Variants in FAF1 observed in about 807,000 individuals in gnomAD.
The protein encoded by FAF1 is FAS-associated factor 1.
Under a neutral mutation model 92.5 loss-of-function variants are expected in FAF1, and 25 were observed. The observed-to-expected ratio is 0.27, with a 90% CI of 0.20 to 0.38. FAF1 has a LOEUF of 0.38. Ranked by LOEUF, FAF1 falls within the 10% of genes least tolerant of loss-of-function variation. The pLI is 1.00. For missense variants in FAF1, 636 were observed against 793.3 expected (o/e 0.80, Z 2.38); for synonymous variants, 234 against 273.2 (o/e 0.86, Z 1.42).
intron 18 of FAF1, among the ~76,000 whole-genome samples, chr1:50,474,011 C>T (rs1227144369): frequency 6.6e-6 from 1 of 152,074 alleles, no homozygotes; most frequent in Non-Finnish European, 1.5e-5. Flanking sequence ...GAGATGAATC[C>T]CTCTCCATAT....
chr1:50,954,684 A>AC (rs1645250302), intron 1 of FAF1, among the ~76,000 whole-genome samples: 1 of 151,642 alleles, frequency 6.6e-6, no homozygotes, highest in South Asian at 2.1e-4. Context: ...GATTACAGAC[A>AC]CCAGCCACCA....
At position 50,584,825 on chromosome 1, in the gene FAF1, G is replaced by A; in HGVS notation, c.841-14C>T. ...ATCGGTGATTTGCTATTTAAGGAAAGTCCTGATTAGTTTCATATTGATTTT... is the reference window on the plus strand; with the variant it reads ...ATCGGTGATTTGCTATTTAAGGAAAATCCTGATTAGTTTCATATTGATTTT... On this transcript the variant is annotated splice_polypyrimidine_tract_variant and intron_variant, in intron 9 of 18. Transcript: ENST00000396153. 1 of 1,610,624 alleles carries A rather than the reference G, an allele frequency of 6.2e-7. No individual in the cohort carries two copies.
chr1:50,734,664 G>A (rs1386361471), intron 6 of FAF1, among the ~76,000 whole-genome samples: 2 of 151,710 alleles, frequency 1.3e-5, no homozygotes, highest in African/African-American at 4.8e-5. Context: ...AACCCAGGGG[G>A]CGGAGCTTGC....
intron 15 of FAF1, among the ~76,000 whole-genome samples, chr1:50,505,163 G>C (rs1166040399): frequency 6.6e-6 from 1 of 152,102 alleles, no homozygotes; most frequent in East Asian, 1.9e-4. Context: ...ATCCACACTG[G>C]GGGAGAAGAA....
At chr1:50,693,966 T>C (rs1003629446) in intron 7 of FAF1, among the ~76,000 whole-genome samples, 1 of 149,546 alleles carries the variant, frequency 6.7e-6, no homozygotes, top group African/African-American at 2.5e-5. Flanking sequence ...TATTTCAAAT[T>C]TCAAGCAAAG....
chr1:50,748,558 G>T (rs1464024380), intron 4 of FAF1, among the ~76,000 whole-genome samples: 1 of 151,646 alleles, frequency 6.6e-6, no homozygotes, highest in Non-Finnish European at 1.5e-5. Context: ...AAATAGACAT[G>T]ATGCTAATGA....
At chr1:50,564,075 T>TA (rs1650057519) in intron 13 of FAF1, among the ~76,000 whole-genome samples, 1 of 152,202 alleles carries the variant, frequency 6.6e-6, no homozygotes, top group South Asian at 2.1e-4. Context: ...ATCCTTCACT[T>TA]ATCTCCTACA....
chr1:50,743,423 G>A (rs1449219757), intron 5 of FAF1, among the ~76,000 whole-genome samples: 2 of 152,112 alleles, frequency 1.3e-5, no homozygotes, highest in Non-Finnish European at 2.9e-5. Flanking sequence ...CACCTTGTGG[G>A]TTCAAGCAAT....
intron 8 of FAF1, among the ~76,000 whole-genome samples, chr1:50,641,377 T>C (rs1359666158): frequency 6.6e-6 from 1 of 152,202 alleles, no homozygotes; most frequent in East Asian, 1.9e-4. Context: ...AAATTTAATA[T>C]GCTATGTTTT....
rs1273565549 is a variant in FAF1 at position 50,490,466 on chromosome 1, GAAA to G, written c.1653+119_1653+121del. 676 of 589,518 alleles carry G rather than the reference GAAA, an allele frequency of 1.1e-3. 26 individuals carry two copies. The African/African-American group carries it at 0.012, about 10-fold the overall frequency. The allele number at this position is 589,518 out of a possible 1,614,324, so 36.5% of individuals were successfully genotyped here. A position where few individuals can be genotyped will look rare whatever the true frequency, so the allele number is the denominator to read the frequency against. On this transcript the variant is annotated intron_variant, in intron 17 of 18. Coordinates refer to ENST00000396153, the MANE Select transcript of FAF1 (RefSeq NM_007051.3). ...AAGGAAGGAAGGAAGGAAGGAAAAA[GAAA>G]GAAGGAAGGAAGGAAGGAAGGAAAG...
At chr1:50,553,269 C>T (rs1572828753) in intron 13 of FAF1, among the ~76,000 whole-genome samples, 1 of 151,930 alleles carries the variant, frequency 6.6e-6, no homozygotes, top group African/African-American at 2.4e-5. Context: ...ATATATGAGG[C>T]AATATAGTTT....
intron 8 of FAF1, among the ~76,000 whole-genome samples, chr1:50,598,519 C>A (rs957370892): frequency 6.7e-6 from 1 of 149,318 alleles, no homozygotes; most frequent in African/African-American, 2.5e-5. Context: ...ATTAACATGA[C>A]CTTTCCTAAC....
intron 4 of FAF1, among the ~76,000 whole-genome samples, chr1:50,777,031 G>C (rs1294439750): frequency 6.6e-6 from 1 of 152,020 alleles, no homozygotes; most frequent in Admixed American, 6.6e-5. Context: ...AGACTGAGGT[G>C]GGGGGATTGC....
At chr1:50,709,320 T>C (rs1457192994) in intron 6 of FAF1, among the ~76,000 whole-genome samples, 1 of 152,226 alleles carries the variant, frequency 6.6e-6, no homozygotes, top group Non-Finnish European at 1.5e-5. Flanking sequence ...TCTTGTACAG[T>C]TTGCTTTGTT....
chr1:50,607,287 G>A (rs1191847183), intron 8 of FAF1, among the ~76,000 whole-genome samples: 1 of 152,102 alleles, frequency 6.6e-6, no homozygotes, highest in Non-Finnish European at 1.5e-5. Context: ...ATAGAGCAAA[G>A]GACCTGGGTT....
intron 4 of FAF1, among the ~76,000 whole-genome samples, chr1:50,764,180 TATTA>T (rs1484481820): frequency 2.0e-5 from 3 of 152,204 alleles, no homozygotes; most frequent in African/African-American, 7.2e-5. Context: ...TCATTACTAT[TATTA>T]ATTAAGAAAT....
intron 17 of FAF1, among the ~76,000 whole-genome samples, chr1:50,477,213 T>C (rs1388112456): frequency 6.6e-6 from 1 of 152,216 alleles, no homozygotes; most frequent in Non-Finnish European, 1.5e-5. Context: ...TGACTGAGGT[T>C]ACTTTCCTTC....
chr1:50,761,316 G>A (rs1660316829), intron 4 of FAF1, among the ~76,000 whole-genome samples: 1 of 152,126 alleles, frequency 6.6e-6, no homozygotes, highest in Non-Finnish European at 1.5e-5. Context: ...GAAAAAGAGG[G>A]AATCCTCCCT....
chr1:50,795,268 C>G (rs906874000), intron 3 of FAF1, among the ~76,000 whole-genome samples: 20 of 152,150 alleles, frequency 1.3e-4, no homozygotes, highest in Non-Finnish European at 5.9e-5. Context: ...ATGGAGGGGG[C>G]AGTGATCTAT....
Sources: allele counts gnomAD v4.1 joint callset (sites outside exome capture counted in the v4.1 genomes callset), GRCh38; gene constraint gnomAD v4.1.1; transcripts MANE v1.5; gene names NCBI Gene and HGNC (gene_info 2026-07-23, HGNC 2026-07-21).